TMEM178B: variants seen among roughly 807,000 people sequenced by gnomAD.
The protein encoded by TMEM178B is transmembrane protein 178B.
TMEM178B carries 5 observed loss-of-function variants against 31.0 expected under a neutral mutation model. The observed-to-expected ratio is 0.16, with a 90% confidence interval of 0.08 to 0.34. The LOEUF is 0.34. Ranked by LOEUF, TMEM178B falls within the 10% of genes least tolerant of loss-of-function variation. The pLI, the probability that TMEM178B is intolerant of heterozygous loss-of-function variation, is 1.00. For missense variants in TMEM178B, 275 were observed against 400.3 expected, an observed-to-expected ratio of 0.69 and a Z score of 2.67; for synonymous variants, 164 against 164.0, an observed-to-expected ratio of 1.00 and a Z score of 0.00.
chr7:141,287,983 T>TC (rs978940951), intron 2 of TMEM178B, among the ~76,000 whole-genome samples: 21 of 152,188 alleles, frequency 1.4e-4, no homozygotes, highest in Middle Eastern at 3.4e-3. Flanking sequence ...CTTGTTTTTT[T>TC]CCCCCCCAAT....
intron 1 of TMEM178B, among the ~76,000 whole-genome samples, chr7:141,199,761 A>C (rs187394452): frequency 2.6e-5 from 4 of 152,220 alleles, no homozygotes; most frequent in African/African-American, 9.6e-5. Flanking sequence ...AAATAAAAAA[A>C]ATTTTTTTGG....
chr7:141,252,138 G>A (rs1284073759), intron 2 of TMEM178B, among the ~76,000 whole-genome samples: 1 of 152,186 alleles, frequency 6.6e-6, no homozygotes, highest in Admixed American at 6.5e-5. Context: ...AGACTAGAAG[G>A]CCTGCCATTA....
intron 2 of TMEM178B, among the ~76,000 whole-genome samples, chr7:141,258,319 C>T (rs1183217874): frequency 6.6e-6 from 1 of 152,034 alleles, no homozygotes; most frequent in Non-Finnish European, 1.5e-5. Context: ...AATACACTAA[C>T]ACTAGCAATA....
At chr7:141,317,806 T>C (rs1799032508) in intron 2 of TMEM178B, among the ~76,000 whole-genome samples, 1 of 152,206 alleles carries the variant, frequency 6.6e-6, no homozygotes, top group Non-Finnish European at 1.5e-5. Flanking sequence ...CATCTGGTTC[T>C]GCCAGCAATT....
intron 3 of TMEM178B, among the ~76,000 whole-genome samples, chr7:141,452,159 C>T (rs930778370): frequency 4.6e-5 from 7 of 152,332 alleles, no homozygotes; most frequent in African/African-American, 1.7e-4. Flanking sequence ...ATGATTATCT[C>T]TGCACAAATG....
At chr7:141,218,197 G>C (rs1334907927) in intron 2 of TMEM178B, among the ~76,000 whole-genome samples, 24 of 152,198 alleles carry the variant, frequency 1.6e-4, no homozygotes, top group Non-Finnish European at 4.4e-5. Context: ...AGCATTGGGG[G>C]TCCTCGCCTT....
intron 2 of TMEM178B, among the ~76,000 whole-genome samples, chr7:141,348,942 A>G (rs995933026): frequency 6.6e-6 from 1 of 152,162 alleles, no homozygotes; most frequent in African/African-American, 2.4e-5. Flanking sequence ...TGACTGGGTA[A>G]CGGCGGCAGG....
intron 2 of TMEM178B, among the ~76,000 whole-genome samples, chr7:141,313,252 T>G (rs1798944969): frequency 6.6e-6 from 1 of 152,194 alleles, no homozygotes; most frequent in African/African-American, 2.4e-5. Context: ...ATAGAAGATT[T>G]TGCCATGACT....
chr7:141,141,254 T>A (rs910959627), intron 1 of TMEM178B, among the ~76,000 whole-genome samples: 2 of 152,128 alleles, frequency 1.3e-5, no homozygotes, highest in African/African-American at 4.8e-5. Flanking sequence ...TTCCAGATGG[T>A]TCCTGCGTTT....
Position 141,479,575 on chromosome 7 carries a change from G to C in TMEM178B, c.*8789G>C, listed in dbSNP as rs994006654. ...TAAAATGCAAGGAGCCAACCCCTGGGTATTCTCAAAGCATTTCAACGGTCA... is the reference window on the plus strand; with the variant it reads ...TAAAATGCAAGGAGCCAACCCCTGGCTATTCTCAAAGCATTTCAACGGTCA... On this transcript the variant is annotated 3_prime_UTR_variant, in exon 4 of 4. Coordinates refer to ENST00000565468, the MANE Select transcript of TMEM178B (RefSeq NM_001195278.2). The C allele has an allele frequency of 3.3e-5, 5 of 152,158 alleles. No individual in the cohort carries two copies. Among genetic ancestry groups the C allele is most frequent in the African/African-American group, 1.2e-4 (5 of 41,416 alleles). 9.4% of individuals were successfully genotyped at this position (152,158 alleles called of 1,614,324 possible). A position where few individuals can be genotyped will look rare whatever the true frequency, so the allele number is the denominator to read the frequency against.
At chr7:141,348,041 C>T (rs1296030739) in intron 2 of TMEM178B, among the ~76,000 whole-genome samples, 4 of 152,200 alleles carry the variant, frequency 2.6e-5, no homozygotes, top group Non-Finnish European at 5.9e-5. Flanking sequence ...TTAGACAGAT[C>T]TAACCACATT....
chr7:141,094,038 G>C (rs929310614), intron 1 of TMEM178B, among the ~76,000 whole-genome samples: 47 of 152,166 alleles, frequency 3.1e-4, no homozygotes, highest in African/African-American at 1.1e-3. Flanking sequence ...TTTTAAATTA[G>C]ATAAATAAAA....
intron 1 of TMEM178B, among the ~76,000 whole-genome samples, chr7:141,089,822 G>A (rs1487745585): frequency 6.6e-6 from 1 of 151,920 alleles, no homozygotes. Flanking sequence ...AGAACACTTG[G>A]ATACAGGAAG....
intron 2 of TMEM178B, among the ~76,000 whole-genome samples, chr7:141,232,841 T>C (rs1797469270): frequency 6.6e-6 from 1 of 152,124 alleles, no homozygotes; most frequent in Non-Finnish European, 1.5e-5. Context: ...TACAAAGCCC[T>C]TGGGGATCCA....
chr7:141,218,198 T>A (rs1171478099), intron 2 of TMEM178B, among the ~76,000 whole-genome samples: 1 of 151,634 alleles, frequency 6.6e-6, no homozygotes, highest in Non-Finnish European at 1.5e-5. Context: ...GCATTGGGGG[T>A]CCTCGCCTTC....
rs1408582292 is a variant in TMEM178B, at chr7:141,478,075, C to T, written c.*7289C>T. ...TAAATGTGGCTTGCAGTGTCAGAAG[C>T]AGGGAGTCTGGCCAAGGGTTGCTAC... On this transcript the variant is annotated 3_prime_UTR_variant, in exon 4 of 4. Coordinates refer to ENST00000565468, the MANE Select transcript of TMEM178B (RefSeq NM_001195278.2). 1 of 152,710 alleles carries T rather than the reference C, an allele frequency of 6.5e-6. No individual in the cohort carries two copies. Among genetic ancestry groups the T allele is most frequent in the Non-Finnish European group, 1.5e-5 (1 of 68,204 alleles). 9.5% of individuals were successfully genotyped at this position (152,710 alleles called of 1,614,324 possible).
chr7:141,193,243 A>G (rs1796726400), intron 1 of TMEM178B, among the ~76,000 whole-genome samples: 1 of 152,178 alleles, frequency 6.6e-6, no homozygotes, highest in East Asian at 1.9e-4. Context: ...GTGCAGCACC[A>G]GTTCTGTTCA....
chr7:141,074,430 G>T lies in TMEM178B; in HGVS notation c.120G>T (p.Arg40Ser). 6.5e-7 allele frequency: 1 copy of T among 1,536,116 alleles called. No individual in the cohort carries two copies. Among genetic ancestry groups the T allele is most frequent in the Non-Finnish European group, 8.7e-7 (1 of 1,146,874 alleles). ...HWYETDARKH[R>S]DRCKAFNTRR... ...ACGAGACGGACGCCAGGAAGCACAG[G>T]GACAGGTGCAAGGCCTTCAACACCC... The change falls in exon 1 of 4, where the codon AGG becomes AGT. Residue 40 changes from arginine to serine, a missense_variant. Physicochemically the swap from Arg to Ser is moderately radical, Grantham distance 110. Transcript: ENST00000565468. This position sits in a 1 kb window ranked among gnomAD's most constrained non-coding sequence, Gnocchi z 5.1.
chr7:141,313,953 G>GAA (rs1407536292), intron 2 of TMEM178B, among the ~76,000 whole-genome samples: 1 of 152,122 alleles, frequency 6.6e-6, no homozygotes, highest in African/African-American at 2.4e-5. Flanking sequence ...GAGCAGACAA[G>GAA]AATGAGAGAG....
Sources: gnomAD v4.1 joint callset for allele counts (sites outside exome capture counted in the v4.1 genomes callset) on GRCh38, gnomAD v4.1.1 for gene constraint, Gnocchi (gnomAD v3.1) non-coding constraint, MANE v1.5 for transcripts, NCBI Gene and HGNC (gene_info 2026-07-23, HGNC 2026-07-21) for gene names.